Variants in PTDSS1 observed in about 807,000 individuals in gnomAD.
PTDSS1 encodes PSS-1.
In PTDSS1, 45 loss-of-function variants were observed where a neutral mutation model predicts 70.5. The observed-to-expected ratio is 0.64, with a 90% CI of 0.50 to 0.82. The LOEUF (loss-of-function observed/expected upper bound fraction) is 0.82, where lower values mean the gene tolerates loss of function less well. Ranked by LOEUF, PTDSS1 falls within the 40% of genes least tolerant of loss-of-function variation. The pLI, the probability that PTDSS1 is intolerant of heterozygous loss-of-function variation, is 0.00. For synonymous variants in PTDSS1, 188 were observed against 203.8 expected (o/e 0.92, Z 0.66); for missense variants, 417 against 586.1 (o/e 0.71, Z 2.98).
chr8:96,305,932 C>T (rs1395576771), intron 7 of PTDSS1, among the ~76,000 whole-genome samples: 4 of 152,278 alleles, frequency 2.6e-5, no homozygotes, highest in Non-Finnish European at 5.9e-5. Flanking sequence ...CTGCCCGCCT[C>T]GGGCTTCCAA....
chr8:96,267,331 C>A (rs1328835346), intron 1 of PTDSS1, among the ~76,000 whole-genome samples: 1 of 152,130 alleles, frequency 6.6e-6, no homozygotes, highest in African/African-American at 2.4e-5. Context: ...CTGGAGTTCA[C>A]CATCTCATTT....
intron 9 of PTDSS1, among the ~76,000 whole-genome samples, chr8:96,315,774 G>A (rs1811279480): frequency 6.6e-6 from 1 of 152,208 alleles, no homozygotes; most frequent in African/African-American, 2.4e-5. Context: ...TGGCATCAAA[G>A]GGAGTGGAGG....
In PTDSS1 at chr8:96,295,107, G is replaced by A. The variant is rs1318816895; in HGVS notation, c.451G>A (p.Val151Met). The change falls in exon 5 of 13, where the codon GTG becomes ATG. Residue 151 changes from valine (V) to methionine (M), a missense_variant. This residue lies in a region of PTDSS1 where 272 missense variants were observed against 429.5 expected (regional missense o/e 0.63). Coordinates refer to ENST00000517309, the MANE Select transcript of PTDSS1 (RefSeq NM_014754.3). The stretch of plus-strand genomic sequence containing the variant: ...TTTTTATTTTAAATAGGAGTATGCT[G>A]TGAACTGCCATGTGATCACCTGGGA... Reference protein sequence around the residue: ...TREADVMEYAVNCHVITWERI... With the variant: ...TREADVMEYAMNCHVITWERI... 1 of 1,613,018 alleles carries A rather than the reference G, an allele frequency of 6.2e-7. No homozygotes were observed. Among genetic ancestry groups the A allele is most frequent in the Non-Finnish European group, 8.5e-7 (1 of 1,179,380 alleles).
chr8:96,294,849 G>C (rs898620216), intron 4 of PTDSS1, among the ~76,000 whole-genome samples: 1 of 152,120 alleles, frequency 6.6e-6, no homozygotes, highest in Non-Finnish European at 1.5e-5. Flanking sequence ...TTGAGCCTTT[G>C]TAAAATTATT....
chr8:96,290,572 G>T (rs897848503), intron 4 of PTDSS1, among the ~76,000 whole-genome samples: 2 of 152,172 alleles, frequency 1.3e-5, no homozygotes, highest in Admixed American at 6.5e-5. Flanking sequence ...AGCCTGTAGA[G>T]TTCTAACTGG....
intron 5 of PTDSS1, among the ~76,000 whole-genome samples, chr8:96,298,704 A>C (rs1258155766): frequency 6.6e-6 from 1 of 152,122 alleles, no homozygotes; most frequent in African/African-American, 2.4e-5. Context: ...GTTTTTTTCC[A>C]CCATACTCCA....
intron 10 of PTDSS1, among the ~76,000 whole-genome samples, chr8:96,329,540 G>A (rs1490849477): frequency 1.3e-5 from 2 of 152,204 alleles, no homozygotes. Context: ...AGTGAGTGGG[G>A]CAAGTGTGGA....
In PTDSS1 at chr8:96,292,415, G is replaced by A. The variant is rs942907912; in HGVS notation, c.442-2683G>A. Among the ~76,000 whole-genome samples the A allele has an allele frequency of 3.3e-5, 5 of 152,122 alleles. No homozygotes were observed. The East Asian group carries it at 5.8e-4, about 18-fold the overall frequency. On this transcript the variant is annotated intron_variant, in intron 4 of 12. Coordinates refer to ENST00000517309, the MANE Select transcript of PTDSS1 (RefSeq NM_014754.3). ...TGAAAAAGACGTGTCATAGATTCAA[G>A]GAAGCACGATAGTTAAAAATGGTAC...
intron 10 of PTDSS1, among the ~76,000 whole-genome samples, chr8:96,325,437 T>A (rs1240280208): frequency 6.6e-6 from 1 of 152,202 alleles, no homozygotes; most frequent in South Asian, 2.1e-4. Context: ...TAGTGATATG[T>A]GAGCAGGATT....
intron 1 of PTDSS1, among the ~76,000 whole-genome samples, chr8:96,265,225 T>G (rs1163011025): frequency 6.6e-6 from 1 of 152,252 alleles, no homozygotes; most frequent in Non-Finnish European, 1.5e-5. Context: ...TCTTAAAGTT[T>G]GTTTTGCAAA....
At chr8:96,318,604 C>T (rs1811328938) in intron 9 of PTDSS1, among the ~76,000 whole-genome samples, 1 of 152,198 alleles carries the variant, frequency 6.6e-6, no homozygotes, top group South Asian at 2.1e-4. Context: ...TTCTGGGTTC[C>T]TCCACTGAAA....
intron 9 of PTDSS1, among the ~76,000 whole-genome samples, chr8:96,314,015 C>G (rs1811248707): frequency 6.6e-6 from 1 of 152,076 alleles, no homozygotes; most frequent in Non-Finnish European, 1.5e-5. Context: ...TTTGTTCTTC[C>G]AGGCCCATAG....
chr8:96,289,355 A>G (rs1810870271), intron 4 of PTDSS1, among the ~76,000 whole-genome samples: 1 of 152,146 alleles, frequency 6.6e-6, no homozygotes, highest in East Asian at 1.9e-4. Flanking sequence ...GGAACTTACC[A>G]AGTCACCTCA....
intron 9 of PTDSS1, 71 bp from the exon 10 acceptor site, chr8:96,320,175 G>A: frequency 2.3e-6 from 3 of 1,288,520 alleles, no homozygotes; most frequent in South Asian, 1.2e-5. Flanking sequence ...ATTCAATCAT[G>A]CATATTTTGG....
chr8:96,261,947 T>A lies in PTDSS1; in HGVS notation c.-94T>A. On this transcript the variant is annotated 5_prime_UTR_variant, in exon 1 of 13. Coordinates refer to ENST00000517309, the MANE Select transcript of PTDSS1 (RefSeq NM_014754.3). Reference sequence around the variant, plus strand: ...CTGGGCGCCAGACCCGGCTTTGCCGTCCGGCTATTAGCCTACTGTGGCTAG... The same window carrying A: ...CTGGGCGCCAGACCCGGCTTTGCCGACCGGCTATTAGCCTACTGTGGCTAG... The A allele has an allele frequency of 3.0e-6, 4 of 1,333,510 alleles. No homozygotes were observed. The highest frequency in any genetic ancestry group is 4.1e-6 in the Non-Finnish European group (4 of 982,792). The allele number at this position is 1,333,510 out of a possible 1,614,324, so 82.6% of individuals were successfully genotyped here.
At chr8:96,280,394 T>G (rs942718805) in intron 2 of PTDSS1, among the ~76,000 whole-genome samples, 12 of 152,018 alleles carry the variant, frequency 7.9e-5, no homozygotes, top group Admixed American at 3.9e-4. Context: ...TGGTGGCACA[T>G]GCCTGTAATC....
intron 9 of PTDSS1, among the ~76,000 whole-genome samples, chr8:96,313,410 G>T (rs1196209711): frequency 6.6e-6 from 1 of 152,136 alleles, no homozygotes; most frequent in South Asian, 2.1e-4. Flanking sequence ...GAGTTTTGGG[G>T]CCAGACTGAT....
Position 96,285,317 on chromosome 8 carries a change from GC to G in PTDSS1, c.316+1168del, listed in dbSNP as rs573481714. ...TAGAAACCACTTCCAGGCCAGTGTG[GC>G]CCCAGTATAGTGCACCCTGGGAGAA... On this transcript the variant is annotated intron_variant, in intron 3 of 12. Transcript: ENST00000517309. Among the ~76,000 whole-genome samples the G allele has an allele frequency of 2.5e-4, 38 of 152,288 alleles. 2 individuals carry two copies. The South Asian group carries it at 7.9e-3, about 32-fold the overall frequency.
chr8:96,325,532 C>T (rs1811427130), intron 10 of PTDSS1, among the ~76,000 whole-genome samples: 1 of 152,124 alleles, frequency 6.6e-6, no homozygotes, highest in Non-Finnish European at 1.5e-5. Context: ...TGTCCTCCAT[C>T]ACTCTTCGAA....
Sources: gnomAD v4.1 joint callset for allele counts (sites outside exome capture counted in the v4.1 genomes callset) on GRCh38, gnomAD v4.1.1 for gene constraint, gnomAD v4.1.1 regional missense constraint, MANE v1.5 for transcripts, NCBI Gene and HGNC (gene_info 2026-07-23, HGNC 2026-07-21) for gene names.